Variants in RB1 observed in about 807,000 individuals in gnomAD.
RB1 encodes retinoblastoma-associated protein.
Under a neutral mutation model 135.4 loss-of-function variants are expected in RB1, and 18 were observed. The ratio of observed to expected loss-of-function variants is 0.13; its 90% CI spans 0.09 to 0.20. The LOEUF (loss-of-function observed/expected upper bound fraction) is 0.20, where lower values mean the gene tolerates loss of function less well. RB1 is among the 10% of genes least tolerant of loss of function. The pLI, the probability that RB1 is intolerant of heterozygous loss-of-function variation, is 1.00. For synonymous variants in RB1, 365 were observed against 373.2 expected, an observed-to-expected ratio of 0.98 and a Z score of 0.25; for missense variants, 868 against 1,110.0, an observed-to-expected ratio of 0.78 and a Z score of 3.10.
chr13:48,449,554 G>A (rs750472729), intron 17 of RB1, among the ~76,000 whole-genome samples: 4 of 151,894 alleles, frequency 2.6e-5, no homozygotes, highest in Non-Finnish European at 4.4e-5. Flanking sequence ...TCAAAATTTT[G>A]TATCTCCAGC....
rs71072103 is a variant in RB1, at chr13:48,471,573, T to TTA, written c.2490-1787_2490-1786insTA. Among the ~76,000 whole-genome samples, 5 of 133,988 alleles carry TTA rather than the reference T, an allele frequency of 3.7e-5. 1 individual carries two copies. Among genetic ancestry groups the TTA allele is most frequent in the East Asian group, 4.4e-4 (2 of 4,546 alleles). 87.9% of individuals were successfully genotyped at this position (133,988 alleles called of 152,430 possible). ...CTTAGAGTATAATAAAAAATATAAATAAAAAAAAAAAAAAGAAAATCTATT... is the reference window on the plus strand; with the variant it reads ...CTTAGAGTATAATAAAAAATATAAATTAAAAAAAAAAAAAAAGAAAATCTATT... On this transcript the variant is annotated intron_variant, in intron 23 of 26. Coordinates refer to ENST00000267163, the MANE Select transcript of RB1 (RefSeq NM_000321.3).
intron 2 of RB1, among the ~76,000 whole-genome samples, chr13:48,326,268 CTAA>C (rs1241970283): frequency 6.6e-6 from 1 of 151,936 alleles, no homozygotes; most frequent in East Asian, 1.9e-4. Flanking sequence ...GTAAAAATGC[CTAA>C]TTTCTTTTTT....
chr13:48,442,051 CCTT>C (rs1949242216), intron 17 of RB1, among the ~76,000 whole-genome samples: 2 of 152,276 alleles, frequency 1.3e-5, no homozygotes, highest in African/African-American at 2.4e-5. Context: ...GTAACCCACT[CCTT>C]CTACATCTAC....
intron 17 of RB1, chr13:48,412,285 T>C (rs770081265): frequency 6.8e-6 from 11 of 1,613,882 alleles, no homozygotes; most frequent in Admixed American, 3.3e-5. Context: ...TTTCGGACTT[T>C]GAGGACGCAG....
Position 48,476,771 on chromosome 13 carries a change from A to C in RB1, c.2591A>C (p.Glu864Ala). 1 of 1,613,736 alleles carries C rather than the reference A, an allele frequency of 6.2e-7. No individual in the cohort carries two copies. The highest frequency in any genetic ancestry group is 8.5e-7 in the Non-Finnish European group (1 of 1,179,704). Residue 864 changes from glutamate to alanine, a missense_variant, in exon 25 of 27, where the codon GAA becomes GCA. Glu to Ala is a moderately radical substitution (Grantham distance 107, BLOSUM62 -1). This residue lies in a region of RB1 where 196 missense variants were observed against 239.8 expected (regional missense o/e 0.82). Coordinates refer to ENST00000267163, the MANE Select transcript of RB1 (RefSeq NM_000321.3). ...NSDRVLKRSA[E>A]GSNPPKPLKK... ...GACCGTGTGCTCAAAAGAAGTGCTG[A>C]AGGAAGCAACCCTCCTAAACCACTG...
intron 17 of RB1, among the ~76,000 whole-genome samples, chr13:48,404,500 A>G (rs1948721944): frequency 6.6e-6 from 1 of 152,024 alleles, no homozygotes; most frequent in Admixed American, 6.6e-5. Context: ...AAGGGCCCAT[A>G]GTGCCAAGCA....
At chr13:48,325,504 T>G (rs1952279682) in intron 2 of RB1, among the ~76,000 whole-genome samples, 2 of 152,318 alleles carry the variant, frequency 1.3e-5, no homozygotes, top group Admixed American at 1.3e-4. Context: ...GGTTCAAGAT[T>G]CAAACGAAAG....
chr13:48,346,458 A>G (rs1952499099), intron 4 of RB1, among the ~76,000 whole-genome samples: 1 of 144,004 alleles, frequency 6.9e-6, no homozygotes, highest in Admixed American at 7.0e-5. Context: ...ATTTTTTTCT[A>G]TTCTTTAAAC....
rs372229712 is a variant in RB1 at position 48,309,392 on chromosome 13, CA to C, written c.264+1987del. ...TAAAACCATTAAATAAAATCTCTGG[CA>C]GTAAAAAGGAGAAAACAAGTGTCAT... On this transcript the variant is annotated intron_variant, in intron 2 of 26. Transcript: ENST00000267163. Among the ~76,000 whole-genome samples the C allele has an allele frequency of 3.5e-4, 53 of 152,220 alleles. No homozygotes were observed. The East Asian group carries it at 9.4e-3, about 27-fold the overall frequency.
intron 17 of RB1, among the ~76,000 whole-genome samples, chr13:48,434,375 T>C (rs1321636226): frequency 6.6e-6 from 1 of 152,132 alleles, no homozygotes; most frequent in Non-Finnish European, 1.5e-5. Context: ...TTTTAACAGA[T>C]AGATTATTTC....
intron 17 of RB1, chr13:48,412,435 G>A (rs1948832733): frequency 1.2e-6 from 2 of 1,604,996 alleles, no homozygotes; most frequent in Admixed American, 1.7e-5. Context: ...GTAAAGGCAC[G>A]TCCAATTTTC....
At chr13:48,479,661 T>G (rs577983106) in intron 26 of RB1, among the ~76,000 whole-genome samples, 5 of 152,290 alleles carry the variant, frequency 3.3e-5, no homozygotes, top group African/African-American at 1.2e-4. Flanking sequence ...GGGAATTTTT[T>G]TTTTAATTGA....
At position 48,319,360 on chromosome 13, in the gene RB1, G is replaced by A. The variant is rs886774179; in HGVS notation, c.264+11954G>A. ...TTGGCCTCCTTGCGTGTTTGCCGCA[G>A]CTAGTACACCTGGATGGCCTCCTCA... On this transcript the variant is annotated intron_variant, in intron 2 of 26. Transcript: ENST00000267163. The surrounding 1 kb of genome is among the most constrained non-coding windows in gnomAD (Gnocchi z 5.0). The A allele has an allele frequency of 8.3e-6, 4 of 484,798 alleles. No individual in the cohort carries two copies. The Admixed American group carries it at 1.1e-4, about 14-fold the overall frequency. The allele number at this position is 484,798 out of a possible 1,614,324, so 30.0% of individuals were successfully genotyped here. A position where few individuals can be genotyped will look rare whatever the true frequency, so the allele number is the denominator to read the frequency against.
At chr13:48,442,909 G>A (rs893908610) in intron 17 of RB1, among the ~76,000 whole-genome samples, 1 of 151,862 alleles carries the variant, frequency 6.6e-6, no homozygotes, top group Non-Finnish European at 1.5e-5. Flanking sequence ...ACACCACAAA[G>A]TAACTTAGTT....
At chr13:48,392,918 A>G (rs1190335712) in intron 17 of RB1, among the ~76,000 whole-genome samples, 1 of 152,172 alleles carries the variant, frequency 6.6e-6, no homozygotes, top group East Asian at 1.9e-4. Flanking sequence ...CAATTAAATT[A>G]TCTGGAAATA....
At chr13:48,422,018 T>A (rs1949013434) in intron 17 of RB1, among the ~76,000 whole-genome samples, 1 of 152,150 alleles carries the variant, frequency 6.6e-6, no homozygotes, top group Non-Finnish European at 1.5e-5. Context: ...CATTACTGGG[T>A]ATATACCCAA....
intron 11 of RB1, among the ~76,000 whole-genome samples, chr13:48,370,924 A>G (rs951355859): frequency 6.6e-6 from 1 of 152,194 alleles, no homozygotes; most frequent in Non-Finnish European, 1.5e-5. Flanking sequence ...AGCCATGTCA[A>G]TTCATTAGCA....
At chr13:48,434,919 A>G (rs1265132350) in intron 17 of RB1, among the ~76,000 whole-genome samples, 1 of 152,170 alleles carries the variant, frequency 6.6e-6, no homozygotes, top group Non-Finnish European at 1.5e-5. Flanking sequence ...ATTGCTGACT[A>G]GTATTTTGTA....
chr13:48,364,911 C>G lies in RB1; in HGVS notation c.879C>G (p.Phe293Leu). 1 of 1,559,750 alleles carries G rather than the reference C, an allele frequency of 6.4e-7. No homozygotes were observed. The highest frequency in any genetic ancestry group is 8.7e-7 in the Non-Finnish European group (1 of 1,148,778). ...CNIDEVKNVY[F>L]KNFIPFMNSL... The stretch of plus-strand genomic sequence containing the variant: ...TTTTTCAGGTGAAAAATGTTTATTT[C>G]AAAAATTTTATACCTTTTATGAATT... Residue 293 changes from phenylalanine (F) to leucine (L), a missense_variant, in exon 9 of 27, where the codon TTC (phenylalanine) becomes TTG (leucine). Physicochemically the swap from Phe to Leu is conservative, Grantham distance 22. Transcript: ENST00000267163.
Sources: gnomAD v4.1 joint callset for allele counts (sites outside exome capture counted in the v4.1 genomes callset) on GRCh38, gnomAD v4.1.1 for gene constraint, gnomAD v4.1.1 regional missense constraint, Gnocchi (gnomAD v3.1) non-coding constraint, MANE v1.5 for transcripts, NCBI Gene and HGNC (gene_info 2026-07-23, HGNC 2026-07-21) for gene names.